PTPRN2: variants seen among roughly 807,000 people sequenced by gnomAD.
PTPRN2 encodes the protein protein tyrosine phosphatase receptor type N2, also known as receptor-type tyrosine-protein phosphatase N2.
Under a neutral mutation model 118.8 loss-of-function variants are expected in PTPRN2, and 74 were observed. That is an observed-to-expected ratio of 0.62 (90% CI 0.52 to 0.76). The LOEUF is 0.76. Ranked by LOEUF, PTPRN2 falls within the 30% of genes least tolerant of loss-of-function variation. The pLI, the probability that PTPRN2 is intolerant of heterozygous loss-of-function variation, is 0.00. For missense variants in PTPRN2, 1,481 were observed against 1,394.4 expected (o/e 1.06, Z -0.99); for synonymous variants, 641 against 608.0 (o/e 1.05, Z -0.80).
intron 2 of PTPRN2, among the ~76,000 whole-genome samples, chr7:158,362,724 A>C (rs1026006070): frequency 1.6e-4 from 25 of 152,194 alleles, no homozygotes; most frequent in African/African-American, 6.0e-4. Flanking sequence ...TCCTGGTGAA[A>C]ATGCAGAGAA....
chr7:158,430,713 C>T (rs952392971), intron 2 of PTPRN2, among the ~76,000 whole-genome samples: 5 of 152,230 alleles, frequency 3.3e-5, no homozygotes, highest in East Asian at 1.9e-4. Flanking sequence ...AGCCGCAGCC[C>T]GGCCTGGATT....
intron 11 of PTPRN2, among the ~76,000 whole-genome samples, chr7:157,907,751 G>A (rs1394904310): frequency 3.9e-5 from 6 of 152,152 alleles, no homozygotes; most frequent in Non-Finnish European, 8.8e-5. Flanking sequence ...GGGGTGTCCC[G>A]GGCTGGGCCT....
intron 3 of PTPRN2, among the ~76,000 whole-genome samples, chr7:158,257,005 C>T (rs1797062252): frequency 6.6e-6 from 1 of 152,082 alleles, no homozygotes; most frequent in African/African-American, 2.4e-5. Context: ...AATTCCGGAC[C>T]CCTAGTTCCC....
chr7:158,331,158 C>G (rs865918968), intron 2 of PTPRN2, among the ~76,000 whole-genome samples: 1 of 134,744 alleles, frequency 7.4e-6, no homozygotes, highest in Non-Finnish European at 1.5e-5. Flanking sequence ...GTCACTCACA[C>G]CCACACTCTC....
chr7:157,594,238 C>T (rs1276682013), intron 17 of PTPRN2, among the ~76,000 whole-genome samples: 2 of 152,158 alleles, frequency 1.3e-5, no homozygotes, highest in South Asian at 2.1e-4. Context: ...CGGAGTCACG[C>T]GAGGCTGACG....
intron 2 of PTPRN2, among the ~76,000 whole-genome samples, chr7:158,321,369 G>A (rs1174302928): frequency 6.6e-6 from 1 of 152,214 alleles, no homozygotes; most frequent in African/African-American, 2.4e-5. Context: ...CCTGGGATCT[G>A]AGCTTGCTTG....
In PTPRN2 at chr7:158,004,346, G is replaced by T. The variant is rs1805498958; in HGVS notation, c.1723+76952C>A. ...ATTTTATTCCTAACCCCTCCCAGAT[G>T]CTTCCTGTGTGTCCACAGCTGGGTG... On this transcript the variant is annotated intron_variant, in intron 11 of 22. Coordinates refer to ENST00000389418, the MANE Select transcript of PTPRN2 (RefSeq NM_002847.5). Among the ~76,000 whole-genome samples the T allele has an allele frequency of 2.0e-5, 3 of 152,118 alleles. No individual in the cohort carries two copies. The South Asian group carries it at 6.2e-4, about 32-fold the overall frequency.
intron 3 of PTPRN2, among the ~76,000 whole-genome samples, chr7:158,238,035 G>A (rs916107585): frequency 3.9e-5 from 6 of 152,052 alleles, no homozygotes; most frequent in Non-Finnish European, 7.4e-5. Flanking sequence ...CAGCTGTTCC[G>A]GCAGGGCTGG....
intron 3 of PTPRN2, among the ~76,000 whole-genome samples, chr7:158,277,940 A>G (rs1799136425): frequency 6.6e-6 from 1 of 152,004 alleles, no homozygotes; most frequent in South Asian, 2.1e-4. Flanking sequence ...CCAGGCACAC[A>G]AGGGGGGGAT....
chr7:157,816,648 G>C (rs1240001596), intron 12 of PTPRN2, among the ~76,000 whole-genome samples: 2 of 152,200 alleles, frequency 1.3e-5, no homozygotes, highest in Non-Finnish European at 2.9e-5. Flanking sequence ...CAGTCTACAG[G>C]CCTCTGGCAC....
chr7:157,727,645 G>A (rs1346814150), intron 12 of PTPRN2, among the ~76,000 whole-genome samples: 1 of 152,216 alleles, frequency 6.6e-6, no homozygotes. Context: ...ACAATGCTAA[G>A]AGGCGTGCAC....
intron 13 of PTPRN2, among the ~76,000 whole-genome samples, chr7:157,657,710 CCCCA>C (rs1234092330): frequency 1.8e-5 from 2 of 108,752 alleles, no homozygotes; most frequent in Non-Finnish European, 3.7e-5. Context: ...CACACATACA[CCCCA>C]CACACACACC....
At chr7:158,134,690 C>T (rs1052401212) in intron 8 of PTPRN2, among the ~76,000 whole-genome samples, 19 of 152,158 alleles carry the variant, frequency 1.2e-4, no homozygotes, top group African/African-American at 4.1e-4. Context: ...GGTCCTCACA[C>T]GGGCTACAGT....
chr7:157,552,375 G>A (rs112569440), intron 21 of PTPRN2, among the ~76,000 whole-genome samples: 91 of 152,262 alleles, frequency 6.0e-4, no homozygotes, highest in African/African-American at 2.1e-3. Context: ...GCGGCTGGCC[G>A]TGTGAATAAT....
Position 157,965,687 on chromosome 7 carries a change from C to A in PTPRN2, c.1724-66950G>T, listed in dbSNP as rs1305520358. 3.9e-5 allele frequency among the ~76,000 whole-genome samples: 6 copies of A among 152,174 alleles called. No homozygotes were observed. In the East Asian group the frequency reaches 1.2e-3, roughly 29 times the overall value. ...GATCAAGGTGTTCTTTTCTTATCAT[C>A]TTCTTTCTTCTCTTTCCCCTCTCCT... On this transcript the variant is annotated intron_variant, in intron 11 of 22. Coordinates refer to ENST00000389418, the MANE Select transcript of PTPRN2 (RefSeq NM_002847.5).
chr7:158,004,030 G>C (rs1270564070), intron 11 of PTPRN2, among the ~76,000 whole-genome samples: 1 of 152,210 alleles, frequency 6.6e-6, no homozygotes, highest in African/African-American at 2.4e-5. Context: ...CCGGCTCTCG[G>C]ATGGGAGCAG....
At position 157,794,381 on chromosome 7, in the gene PTPRN2, G is replaced by A. The variant is rs1804734559; in HGVS notation, c.1788+104292C>T. Among the ~76,000 whole-genome samples the A allele has an allele frequency of 6.6e-6, 1 of 152,148 alleles. No individual in the cohort carries two copies. On this transcript the variant is annotated intron_variant, in intron 12 of 22. Coordinates refer to ENST00000389418, the MANE Select transcript of PTPRN2 (RefSeq NM_002847.5). The surrounding 1 kb of genome is among the most constrained non-coding windows in gnomAD (Gnocchi z 5.2). Reference sequence around the variant, plus strand: ...CCGGTTCTGCGTCTGGCCGGCCTACGGGCACTCGGGCAGTGCGGTGACCAA... The same window carrying A: ...CCGGTTCTGCGTCTGGCCGGCCTACAGGCACTCGGGCAGTGCGGTGACCAA...
chr7:158,395,710 C>G (rs200470386), intron 2 of PTPRN2, among the ~76,000 whole-genome samples: 1 of 48,598 alleles, frequency 2.1e-5, no homozygotes, highest in Non-Finnish European at 4.1e-5. Context: ...GGGCGAGGGG[C>G]GAGGGGCGAG....
chr7:157,748,570 CT>C (rs1471238400), intron 12 of PTPRN2, among the ~76,000 whole-genome samples: 3 of 149,376 alleles, frequency 2.0e-5, no homozygotes, highest in South Asian at 2.1e-4. Flanking sequence ...CGTCCCTGAG[CT>C]CTGGGGTGTC....
Sources: allele counts gnomAD v4.1 joint callset (sites outside exome capture counted in the v4.1 genomes callset), GRCh38; gene constraint gnomAD v4.1.1; non-coding constraint Gnocchi (gnomAD v3.1); transcripts MANE v1.5; gene names NCBI Gene and HGNC (gene_info 2026-07-23, HGNC 2026-07-21).